The following RFX2 variants were observed in gnomAD, a reference collection of about 807,000 sequenced individuals.
The protein encoded by RFX2 is regulatory factor X2.
Under a neutral mutation model 87.8 loss-of-function variants are expected in RFX2, and 20 were observed. The ratio of observed to expected loss-of-function variants is 0.23; its 90% CI spans 0.16 to 0.33. The LOEUF (loss-of-function observed/expected upper bound fraction) is 0.33. Among genes scored for constraint, RFX2 ranks in the 10% least tolerant of loss-of-function variants. The pLI, the probability that RFX2 is intolerant of heterozygous loss-of-function variation, is 1.00. For missense variants in RFX2, 767 were observed against 1,012.3 expected, an observed-to-expected ratio of 0.76 and a Z score of 3.29; for synonymous variants, 397 against 431.3, an observed-to-expected ratio of 0.92 and a Z score of 0.98.
chr19:6,102,403 T>C (rs561738562), intron 1 of RFX2, among the ~76,000 whole-genome samples: 1 of 152,234 alleles, frequency 6.6e-6, no homozygotes, highest in Non-Finnish European at 1.5e-5. Flanking sequence ...GAATGAAGAT[T>C]GTATGAATGA....
intron 5 of RFX2, among the ~76,000 whole-genome samples, chr19:6,034,606 C>T (rs1483433911): frequency 6.6e-6 from 1 of 152,188 alleles, no homozygotes; most frequent in African/African-American, 2.4e-5. Flanking sequence ...AGGTGATCCT[C>T]CCACCTTAGC....
At chr19:6,086,265 G>A (rs1399013639) in intron 1 of RFX2, among the ~76,000 whole-genome samples, 3 of 152,098 alleles carry the variant, frequency 2.0e-5, no homozygotes, top group South Asian at 2.1e-4. Context: ...ACAGGGATAC[G>A]TTCTCAGCAA....
At chr19:6,060,243 T>TC (rs1464774243) in intron 1 of RFX2, among the ~76,000 whole-genome samples, 2 of 152,074 alleles carry the variant, frequency 1.3e-5, no homozygotes, top group Non-Finnish European at 2.9e-5. Context: ...CATCTTCAAC[T>TC]CCCATTTTCC....
chr19:6,048,638 G>A (rs2144781954), intron 1 of RFX2, among the ~76,000 whole-genome samples: 1 of 152,276 alleles, frequency 6.6e-6, no homozygotes, highest in East Asian at 1.9e-4. Context: ...CCACGACATC[G>A]TCAGAACACA....
At chr19:6,059,698 T>C (rs892709635) in intron 1 of RFX2, among the ~76,000 whole-genome samples, 2 of 152,012 alleles carry the variant, frequency 1.3e-5, no homozygotes, top group African/African-American at 4.8e-5. Flanking sequence ...TCCCCACGTA[T>C]GCATATACAC....
chr19:6,086,843 T>C (rs1568191431), intron 1 of RFX2, among the ~76,000 whole-genome samples: 2 of 152,238 alleles, frequency 1.3e-5, no homozygotes, highest in Admixed American at 6.5e-5. Flanking sequence ...TGGGCACCTC[T>C]GCCTTTTCTG....
rs563413377 is a variant in RFX2, at chr19:6,024,294, G to A, written c.597+1869C>T. Among the ~76,000 whole-genome samples, 69 of 152,136 alleles carry A rather than the reference G, an allele frequency of 4.5e-4. No individual in the cohort carries two copies. Among genetic ancestry groups the A allele is most frequent in the Non-Finnish European group, 8.2e-4 (56 of 68,014 alleles). On this transcript the variant is annotated intron_variant, in intron 6 of 17. Transcript: ENST00000303657. This position sits in a 1 kb window ranked among gnomAD's most constrained non-coding sequence, Gnocchi z 5.0. ...GTATGTGCTCTGAGTTTAAGACTGG[G>A]GGCTGGGGAGATCCTCTCTCCAAGC...
intron 1 of RFX2, among the ~76,000 whole-genome samples, chr19:6,058,165 G>A (rs1300827283): frequency 6.6e-6 from 1 of 152,196 alleles, no homozygotes; most frequent in Non-Finnish European, 1.5e-5. Context: ...ATTGGGGACG[G>A]ATCCATCTCT....
At position 5,994,794 on chromosome 19, in the gene RFX2, C is replaced by A; in HGVS notation, c.*41G>T. Reference sequence around the variant, plus strand: ...AATCCAGGTTCCCAGAGTGACCAGGCGGCATCTTTTGGAACCTCGAGGAGG... The same window carrying A: ...AATCCAGGTTCCCAGAGTGACCAGGAGGCATCTTTTGGAACCTCGAGGAGG... On this transcript the variant is annotated 3_prime_UTR_variant, in exon 18 of 18. Transcript: ENST00000303657. The A allele has an allele frequency of 2.3e-6, 3 of 1,317,302 alleles. No individual in the cohort carries two copies. The highest frequency in any genetic ancestry group is 2.2e-6 in the Non-Finnish European group (2 of 925,758). 81.6% of individuals were successfully genotyped at this position (1,317,302 alleles called of 1,614,324 possible).
In RFX2 at chr19:6,002,949, C is replaced by G. The variant is rs1012798825; in HGVS notation, c.1501-79G>C. On this transcript the variant is annotated intron_variant, in intron 13 of 17. Transcript: ENST00000303657. This position sits in a 1 kb window ranked among gnomAD's most constrained non-coding sequence, Gnocchi z 6.7. ...TGCGCTCCTTGCAGGGGTGTGTGGG[C>G]TCAGGGACAACACAGGGAGGAGGGA... 7.3e-5 allele frequency: 108 copies of G among 1,486,660 alleles called. No individual in the cohort carries two copies. Among genetic ancestry groups the G allele is most frequent in the Non-Finnish European group, 9.7e-5 (107 of 1,105,390 alleles). 92.1% of individuals were successfully genotyped at this position (1,486,660 alleles called of 1,614,324 possible).
chr19:6,072,274 T>G (rs1383432869), intron 1 of RFX2: 1 of 152,280 alleles, frequency 6.6e-6, no homozygotes, highest in African/African-American at 2.4e-5. Flanking sequence ...TTCAGACCTT[T>G]CCATGTTCCA....
At chr19:6,009,683 G>A (rs2086635802) in intron 9 of RFX2, among the ~76,000 whole-genome samples, 1 of 152,160 alleles carries the variant, frequency 6.6e-6, no homozygotes. Flanking sequence ...CTGGGCTCAA[G>A]TGATCCTCCT....
intron 1 of RFX2, among the ~76,000 whole-genome samples, chr19:6,052,998 T>G (rs576574775): frequency 6.6e-6 from 1 of 152,060 alleles, no homozygotes; most frequent in East Asian, 1.9e-4. Context: ...TTAGAAAGAT[T>G]TAAGAACGTT....
intron 17 of RFX2, 30 bp from the exon 18 acceptor site, chr19:5,994,980 A>T (rs372149721): frequency 6.5e-7 from 1 of 1,541,678 alleles, no homozygotes; most frequent in African/African-American, 1.4e-5. Flanking sequence ...GTCAGTGTCC[A>T]TCATCAGGAG....
At chr19:6,059,730 T>G (rs1181494208) in intron 1 of RFX2, among the ~76,000 whole-genome samples, 1 of 151,542 alleles carries the variant, frequency 6.6e-6, no homozygotes, top group African/African-American at 2.4e-5. Context: ...GACATACACA[T>G]ATACACAAAC....
In RFX2 at chr19:6,044,391, A is replaced by C. The variant is rs911323025; in HGVS notation, c.91-109T>G. 1.3e-6 allele frequency: 1 copy of C among 746,798 alleles called. No individual in the cohort carries two copies. Among genetic ancestry groups the C allele is most frequent in the African/African-American group, 1.8e-5 (1 of 54,242 alleles). The allele number at this position is 746,798 out of a possible 1,614,324, so 46.3% of individuals were successfully genotyped here. ...CTGTTCATGTGCTTTTTATTAAAAC[A>C]TAGGCAGGACTGATCAGAGGCGACG... is the stretch of plus-strand genomic sequence containing the variant. On this transcript the variant is annotated intron_variant, in intron 2 of 17. Coordinates refer to ENST00000303657, the MANE Select transcript of RFX2 (RefSeq NM_000635.4). This position sits in a 1 kb window ranked among gnomAD's most constrained non-coding sequence, Gnocchi z 5.3.
chr19:6,094,870 T>C (rs2087998470), intron 1 of RFX2, among the ~76,000 whole-genome samples: 1 of 152,226 alleles, frequency 6.6e-6, no homozygotes, highest in African/African-American at 2.4e-5. Flanking sequence ...GGCTCATGCC[T>C]GTAATCCTAG....
chr19:6,003,012 C>T (rs1305848541), intron 13 of RFX2, 142 bp from the exon 14 acceptor site: 2 of 917,152 alleles, frequency 2.2e-6, no homozygotes, highest in African/African-American at 3.3e-5. Flanking sequence ...GAGGGAACCT[C>T]CTGCTATTCT....
In RFX2 at chr19:6,056,164, C is replaced by T. The variant is rs1197471671; in HGVS notation, c.-8-8660G>A. On this transcript the variant is annotated intron_variant, in intron 1 of 17. Transcript: ENST00000303657. This position sits in a 1 kb window ranked among gnomAD's most constrained non-coding sequence, Gnocchi z 4.6. ...AAATTAGCCAGCTAAGGTTTGTGCACTTACTGTATGTGAATTTTAACAATG... is the reference window on the plus strand; with the variant it reads ...AAATTAGCCAGCTAAGGTTTGTGCATTTACTGTATGTGAATTTTAACAATG... Among the ~76,000 whole-genome samples, 1 of 152,066 alleles carries T rather than the reference C, an allele frequency of 6.6e-6. No individual in the cohort carries two copies. The highest frequency in any genetic ancestry group is 6.5e-5 in the Admixed American group (1 of 15,270).
Sources: gnomAD v4.1 joint callset for allele counts (sites outside exome capture counted in the v4.1 genomes callset) on GRCh38, gnomAD v4.1.1 for gene constraint, Gnocchi (gnomAD v3.1) non-coding constraint, MANE v1.5 for transcripts, NCBI Gene and HGNC (gene_info 2026-07-23, HGNC 2026-07-21) for gene names.